Variants in WWOX observed in about 807,000 individuals in gnomAD.
WWOX encodes WW domain containing oxidoreductase.
Under a neutral mutation model 46.2 loss-of-function variants are expected in WWOX, and 69 were observed. That is an observed-to-expected ratio of 1.49 (90% confidence interval 1.23 to 1.82). The LOEUF is 1.82. Ranked by LOEUF, WWOX falls within the 40% of genes most tolerant of loss-of-function variation. The pLI is 0.00. For synonymous variants in WWOX, 359 were observed against 202.6 expected, an observed-to-expected ratio of 1.77 and a Z score of -6.56; for missense variants, 919 against 542.6, an observed-to-expected ratio of 1.69 and a Z score of -6.89.
intron 8 of WWOX, among the ~76,000 whole-genome samples, chr16:78,869,375 C>A (rs1005798778): frequency 6.6e-6 from 1 of 152,144 alleles, no homozygotes; most frequent in African/African-American, 2.4e-5. Flanking sequence ...ACCTGTTTTT[C>A]CTACTCAAAA....
In WWOX at chr16:78,349,504, T is replaced by C. The variant is rs553298007; in HGVS notation, c.517-37356T>C. 2.1e-4 allele frequency among the ~76,000 whole-genome samples: 25 copies of C among 120,638 alleles called. 5 individuals are homozygous for C. The South Asian group carries it at 6.3e-3, about 30-fold the overall frequency. The allele number at this position is 120,638 out of a possible 152,430, so 79.1% of individuals were successfully genotyped here. ...CTCACTTAATCCTTGCCCCACCCTT[T>C]AGAAGAAGCCAGGAGGAGGTCCTAG... On this transcript the variant is annotated intron_variant, in intron 5 of 8. Transcript: ENST00000566780.
chr16:78,776,160 G>T (rs1458475573), intron 8 of WWOX, among the ~76,000 whole-genome samples: 3 of 152,172 alleles, frequency 2.0e-5, no homozygotes, highest in African/African-American at 7.2e-5. Flanking sequence ...CTAAAAAAAT[G>T]ATTCTGCATT....
chr16:78,261,962 C>G (rs2079253737), intron 5 of WWOX, among the ~76,000 whole-genome samples: 1 of 150,524 alleles, frequency 6.6e-6, no homozygotes, highest in Admixed American at 6.6e-5. Context: ...AGGCCAAGGC[C>G]TCATTATATC....
intron 8 of WWOX, among the ~76,000 whole-genome samples, chr16:79,192,146 C>T (rs1051368698): frequency 1.3e-5 from 2 of 152,224 alleles, no homozygotes; most frequent in Non-Finnish European, 1.5e-5. Flanking sequence ...GCAGGGAGCT[C>T]TGCTCTCAGG....
chr16:78,808,057 G>T (rs1421023685), intron 8 of WWOX, among the ~76,000 whole-genome samples: 1 of 152,144 alleles, frequency 6.6e-6, no homozygotes, highest in Non-Finnish European at 1.5e-5. Flanking sequence ...AGACATTTGT[G>T]CTCAAAGGCA....
intron 8 of WWOX, among the ~76,000 whole-genome samples, chr16:78,707,841 AT>A (rs1214576255): frequency 2.6e-3 from 30 of 11,506 alleles, no homozygotes; most frequent in African/African-American, 8.5e-3. Context: ...TCTCAAAAAT[AT>A]AAATAAATAA....
chr16:78,369,753 C>A (rs143298779), intron 5 of WWOX, among the ~76,000 whole-genome samples: 6 of 151,994 alleles, frequency 3.9e-5, no homozygotes, highest in East Asian at 1.9e-4. Flanking sequence ...CCAACAAATA[C>A]GTTGCTTGTG....
At chr16:78,797,786 G>A (rs933527457) in intron 8 of WWOX, among the ~76,000 whole-genome samples, 9 of 152,128 alleles carry the variant, frequency 5.9e-5, no homozygotes, top group African/African-American at 1.4e-4. Context: ...CTAGGAGCTC[G>A]AGAACAGTCT....
At chr16:78,466,450 T>C (rs1045045382) in intron 8 of WWOX, among the ~76,000 whole-genome samples, 2 of 152,104 alleles carry the variant, frequency 1.3e-5, no homozygotes, top group Admixed American at 6.5e-5. Context: ...ATTTATGTTA[T>C]GTGAATTTCA....
At chr16:78,537,744 T>C (rs2043793746) in intron 8 of WWOX, among the ~76,000 whole-genome samples, 1 of 152,058 alleles carries the variant, frequency 6.6e-6, no homozygotes, top group Admixed American at 6.5e-5. Flanking sequence ...TTTTGGGTGA[T>C]GAGGAAGCTG....
At chr16:78,851,811 T>G (rs1032976528) in intron 8 of WWOX, among the ~76,000 whole-genome samples, 9 of 152,254 alleles carry the variant, frequency 5.9e-5, no homozygotes, top group Admixed American at 2.0e-4. Flanking sequence ...TTGTAGGATT[T>G]CACTTGCTAA....
chr16:78,164,280 A>G lies in WWOX; in HGVS notation c.507A>G (p.Leu169=), dbSNP rs753083984. Residue 169 remains leucine (L), a synonymous_variant, in exon 5 of 9, where the codon TTA becomes TTG. Transcript: ENST00000566780. The stretch of plus-strand genomic sequence containing the variant: ...CGAGTGAAGCAGTGTCACGCATTTT[A>G]GAAGAATGGGTAAGTGCTTGACTGT... ...ARASEAVSRI[L]EEWHKAKVEA... The G allele has an allele frequency of 9.3e-6, 15 of 1,613,864 alleles. No individual in the cohort carries two copies. The highest frequency in any genetic ancestry group is 1.3e-5 in the Non-Finnish European group (15 of 1,179,948).
chr16:78,958,817 G>A (rs1488093027), intron 8 of WWOX, among the ~76,000 whole-genome samples: 1 of 152,190 alleles, frequency 6.6e-6, no homozygotes, highest in Non-Finnish European at 1.5e-5. Context: ...AGTGGGCACA[G>A]GGGAAGGAAG....
chr16:79,034,128 C>T (rs2047820201), intron 8 of WWOX, among the ~76,000 whole-genome samples: 1 of 152,148 alleles, frequency 6.6e-6, no homozygotes, highest in Admixed American at 6.6e-5. Flanking sequence ...ATTATGCACT[C>T]TTGACATTTT....
intron 8 of WWOX, among the ~76,000 whole-genome samples, chr16:78,760,882 T>C (rs1279198961): frequency 6.6e-6 from 1 of 152,118 alleles, no homozygotes; most frequent in Non-Finnish European, 1.5e-5. Flanking sequence ...CTCACAATCA[T>C]AATGGAAGGG....
intron 8 of WWOX, among the ~76,000 whole-genome samples, chr16:78,806,629 G>T (rs1306348625): frequency 6.6e-6 from 1 of 152,064 alleles, no homozygotes; most frequent in African/African-American, 2.4e-5. Flanking sequence ...ATGGCGGCTG[G>T]GTTCCAAGGG....
At chr16:78,894,213 C>T (rs985184197) in intron 8 of WWOX, among the ~76,000 whole-genome samples, 8 of 151,976 alleles carry the variant, frequency 5.3e-5, no homozygotes, top group Non-Finnish European at 7.4e-5. Context: ...TTAATGTTCA[C>T]TTTTATTTCC....
chr16:78,188,895 A>G (rs2035793813), intron 5 of WWOX, among the ~76,000 whole-genome samples: 1 of 152,170 alleles, frequency 6.6e-6, no homozygotes, highest in African/African-American at 2.4e-5. Flanking sequence ...AACAGAAAAG[A>G]TTGGTGAAGA....
At chr16:78,645,494 T>TG (rs1444571843) in intron 8 of WWOX, among the ~76,000 whole-genome samples, 1 of 152,160 alleles carries the variant, frequency 6.6e-6, no homozygotes, top group Non-Finnish European at 1.5e-5. Flanking sequence ...TTCTGCAGGA[T>TG]GTCCAAGAAG....
Sources: allele counts gnomAD v4.1 joint callset (sites outside exome capture counted in the v4.1 genomes callset), GRCh38; gene constraint gnomAD v4.1.1; transcripts MANE v1.5; gene names NCBI Gene and HGNC (gene_info 2026-07-23, HGNC 2026-07-21).